DACH2: variants seen among roughly 807,000 people sequenced by gnomAD.
The protein encoded by DACH2 is dachshund family transcription factor 2, also known as dachshund homolog 2.
DACH2 carries 17 observed loss-of-function variants against 35.8 expected under a neutral mutation model. The observed-to-expected ratio is 0.48, with a 90% confidence interval of 0.33 to 0.71. The LOEUF is 0.71. Among genes scored for constraint, DACH2 ranks in the 30% least tolerant of loss-of-function variants. The probability of loss-of-function intolerance (pLI) is 0.02; values close to 1 mark genes in which losing one functional copy is unlikely to be tolerated. For missense variants in DACH2, 469 were observed against 472.7 expected (o/e 0.99, Z 0.07); for synonymous variants, 195 against 177.3 (o/e 1.10, Z -0.79).
chrX:86,832,579 G>A lies in DACH2; in HGVS notation c.*424G>A, dbSNP rs192451815. On this transcript the variant is annotated 3_prime_UTR_variant, in exon 12 of 12. Coordinates refer to ENST00000373125, the MANE Select transcript of DACH2 (RefSeq NM_053281.3). ...AAAAATGTACTTGCTAAACTTCAGC[G>A]TAAATAAAAACATTTTGACTTTGTC... 1.6e-4 allele frequency: 19 copies of A among 117,633 alleles called. No homozygotes were observed. Among genetic ancestry groups the A allele is most frequent in the Admixed American group, 7.5e-4 (8 of 10,680 alleles). The allele number at this position is 117,633 out of a possible 1,213,427, so 9.7% of individuals were successfully genotyped here.
chrX:86,242,940 T>C lies in DACH2; in HGVS notation c.488+93832T>C, dbSNP rs765749973. Among the ~76,000 whole-genome samples, 7 of 111,700 alleles carry C rather than the reference T, an allele frequency of 6.3e-5. No homozygotes were observed. In the South Asian group the frequency reaches 2.7e-3, roughly 43 times the overall value. On this transcript the variant is annotated intron_variant, in intron 1 of 11. Coordinates refer to ENST00000373125, the MANE Select transcript of DACH2 (RefSeq NM_053281.3). ...GTTTTCTGAGGCCTCATAGCCATGC[T>C]TCCTGTATAGCCTATGAAACTGTGA...
chrX:86,465,748 G>A (rs574536188), intron 2 of DACH2, among the ~76,000 whole-genome samples: 54 of 111,782 alleles, frequency 4.8e-4, no homozygotes, highest in East Asian at 4.5e-3. Context: ...GGAATTCTCC[G>A]TATAGTAGAT....
At chrX:86,635,682 T>A (rs1413036422) in intron 3 of DACH2, among the ~76,000 whole-genome samples, 1 of 111,461 alleles carries the variant, frequency 9.0e-6, no homozygotes, top group Non-Finnish European at 1.9e-5. Context: ...TTCAATGAAG[T>A]CTCAAAATAC....
intron 3 of DACH2, among the ~76,000 whole-genome samples, chrX:86,604,814 T>A (rs915047453): frequency 9.0e-6 from 1 of 111,305 alleles, no homozygotes; most frequent in Non-Finnish European, 1.9e-5. Context: ...AAGTGGTGAC[T>A]CAGAAGGGGA....
chrX:86,445,370 A>AG (rs1284355896), intron 2 of DACH2, among the ~76,000 whole-genome samples: 2 of 13,969 alleles, frequency 1.4e-4, no homozygotes, highest in African/African-American at 3.4e-4. Context: ...GGGTCGGGGG[A>AG]GGGGGGAGGG....
intron 2 of DACH2, among the ~76,000 whole-genome samples, chrX:86,450,602 T>G (rs886962347): frequency 9.0e-6 from 1 of 111,129 alleles, no homozygotes; most frequent in Non-Finnish European, 1.9e-5. Context: ...ATGGAGTTGC[T>G]GGGTCAAATG....
intron 1 of DACH2, among the ~76,000 whole-genome samples, chrX:86,307,715 T>C (rs2034718174): frequency 9.0e-6 from 1 of 111,191 alleles, no homozygotes; most frequent in South Asian, 3.9e-4. Flanking sequence ...TAGACTAAAG[T>C]CATGGTGGGC....
intron 1 of DACH2, among the ~76,000 whole-genome samples, chrX:86,270,512 A>G (rs1256812981): frequency 1.8e-5 from 2 of 111,481 alleles, no homozygotes; most frequent in Non-Finnish European, 3.8e-5. Flanking sequence ...CAGCACCTCT[A>G]GAAGTCACTT....
intron 2 of DACH2, among the ~76,000 whole-genome samples, chrX:86,428,580 A>G (rs951842843): frequency 8.9e-6 from 1 of 112,191 alleles, no homozygotes; most frequent in Non-Finnish European, 1.9e-5. Flanking sequence ...GTCTATTATT[A>G]GAACTGAAAA....
chrX:86,755,448 G>GT, intron 7 of DACH2, among the ~76,000 whole-genome samples: 1 of 110,522 alleles, frequency 9.0e-6, no homozygotes, highest in South Asian at 3.8e-4. Context: ...GTCTAGTTTT[G>GT]TTTTTTATCA....
At chrX:86,813,339 G>T (rs1174924433) in intron 9 of DACH2, 62 bp downstream of exon 9, 1 of 1,019,073 alleles carries the variant, frequency 9.8e-7, no homozygotes. Flanking sequence ...CAATACTAAT[G>T]GAAATATTCT....
At chrX:86,286,160 G>A (rs750502638) in intron 1 of DACH2, among the ~76,000 whole-genome samples, 2 of 66,020 alleles carry the variant, frequency 3.0e-5, no homozygotes, top group Non-Finnish European at 5.1e-5. Context: ...TCGCTCTGTC[G>A]CCCAGGCCGG....
chrX:86,327,982 T>G (rs866897427), intron 1 of DACH2, among the ~76,000 whole-genome samples: 21 of 111,988 alleles, frequency 1.9e-4, no homozygotes, highest in African/African-American at 5.8e-4. Context: ...TCCTTATAAT[T>G]TACCACCTTT....
At chrX:86,625,372 G>A (rs1198792416) in intron 3 of DACH2, among the ~76,000 whole-genome samples, 3 of 109,990 alleles carry the variant, frequency 2.7e-5, no homozygotes, top group Non-Finnish European at 5.7e-5. Context: ...TGACACTTTT[G>A]AGCAGGATGA....
chrX:86,239,700 C>T (rs2033126552), intron 1 of DACH2, among the ~76,000 whole-genome samples: 1 of 111,878 alleles, frequency 8.9e-6, no homozygotes, highest in Admixed American at 9.5e-5. Flanking sequence ...CACATATGCA[C>T]TAATTCTTGT....
intron 6 of DACH2, among the ~76,000 whole-genome samples, chrX:86,718,001 T>A (rs1329131383): frequency 8.2e-5 from 9 of 109,170 alleles, no homozygotes; most frequent in Non-Finnish European, 1.9e-5. Flanking sequence ...ATATAGTGAG[T>A]TATTTTCCTT....
At position 86,281,761 on chromosome X, in the gene DACH2, C is replaced by G. The variant is rs759718854; in HGVS notation, c.489-95063C>G. Among the ~76,000 whole-genome samples, 185 of 112,264 alleles carry G rather than the reference C, an allele frequency of 1.6e-3. 1 individual carries two copies. The highest frequency in any genetic ancestry group is 5.8e-3 in the African/African-American group (178 of 30,921). The stretch of plus-strand genomic sequence containing the variant: ...GTGTATTTAGAAAACCCCATCGTCT[C>G]AGCCCAAAATCTCTTTAAGCTGATA... On this transcript the variant is annotated intron_variant, in intron 1 of 11. Transcript: ENST00000373125.
At chrX:86,272,569 C>G (rs1480928324) in intron 1 of DACH2, among the ~76,000 whole-genome samples, 3 of 111,394 alleles carry the variant, frequency 2.7e-5, no homozygotes, top group Non-Finnish European at 3.8e-5. Flanking sequence ...GATTGGACAC[C>G]TGATGAAAGG....
chrX:86,781,735 A>G (rs769220963), intron 7 of DACH2, among the ~76,000 whole-genome samples: 10 of 111,458 alleles, frequency 9.0e-5, no homozygotes, highest in Non-Finnish European at 1.7e-4. Flanking sequence ...ATCACACTGA[A>G]AGGGGAAAAC....
Sources: allele counts gnomAD v4.1 joint callset (sites outside exome capture counted in the v4.1 genomes callset), GRCh38; gene constraint gnomAD v4.1.1; transcripts MANE v1.5; gene names NCBI Gene and HGNC (gene_info 2026-07-23, HGNC 2026-07-21).